Variants in ZNF33A observed in about 807,000 individuals in gnomAD.
ZNF33A encodes brain my041 protein.
ZNF33A carries 9 observed loss-of-function variants against 15.9 expected under a neutral mutation model. The observed-to-expected ratio is 0.57, with a 90% CI of 0.34 to 0.99. The LOEUF is 0.99. Among genes scored for constraint, ZNF33A ranks in the 50% least tolerant of loss-of-function variants. The probability of loss-of-function intolerance (pLI) is 0.02; values close to 1 mark genes in which losing one functional copy is unlikely to be tolerated. For synonymous variants in ZNF33A, 294 were observed against 324.2 expected (o/e 0.91, Z 1.00); for missense variants, 843 against 941.6 (o/e 0.90, Z 1.37).
chr10:38,031,880 T>C (rs1400417699), intron 4 of ZNF33A, among the ~76,000 whole-genome samples: 1 of 152,220 alleles, frequency 6.6e-6, no homozygotes, highest in East Asian at 1.9e-4. Flanking sequence ...GGAGAATTGC[T>C]TGAACCCGGG....
At chr10:38,035,809 C>T (rs2065426788) in intron 4 of ZNF33A, among the ~76,000 whole-genome samples, 1 of 151,546 alleles carries the variant, frequency 6.6e-6, no homozygotes, top group South Asian at 2.1e-4. Flanking sequence ...GAAATTGAAT[C>T]CATAAAGCTT....
At chr10:38,041,048 GT>G (rs1419107955) in intron 4 of ZNF33A, among the ~76,000 whole-genome samples, 4 of 151,996 alleles carry the variant, frequency 2.6e-5, no homozygotes, top group African/African-American at 9.7e-5. Context: ...TGCCATTTTT[GT>G]TTTCGGTCTC....
intron 4 of ZNF33A, among the ~76,000 whole-genome samples, chr10:38,033,220 C>T (rs562906135): frequency 1.3e-5 from 2 of 152,310 alleles, no homozygotes; most frequent in East Asian, 3.9e-4. Context: ...GTGACCTTTT[C>T]TGCCTGGCTT....
rs2066605108 is a variant in ZNF33A at position 38,059,227 on chromosome 10, A to T, written c.*2667A>T. On this transcript the variant is annotated 3_prime_UTR_variant, in exon 5 of 5. Coordinates refer to ENST00000432900, the MANE Select transcript of ZNF33A (RefSeq NM_006954.2). ...GAACTTACTCAAGTTGGTAAAGAAC[A>T]TACTACAAAAAACCCTACAGCTAAC... 6.6e-6 allele frequency: 1 copy of T among 152,234 alleles called. No individual in the cohort carries two copies. Among genetic ancestry groups the T allele is most frequent in the South Asian group, 2.1e-4 (1 of 4,830 alleles). 9.4% of individuals were successfully genotyped at this position (152,234 alleles called of 1,614,324 possible).
At chr10:38,036,745 A>G (rs2065470730) in intron 4 of ZNF33A, among the ~76,000 whole-genome samples, 1 of 152,242 alleles carries the variant, frequency 6.6e-6, no homozygotes, top group Non-Finnish European at 1.5e-5. Context: ...AGGTAATGCC[A>G]TAAGACAACA....
intron 4 of ZNF33A, among the ~76,000 whole-genome samples, chr10:38,050,883 G>A (rs2066170508): frequency 2.6e-5 from 4 of 152,160 alleles, no homozygotes; most frequent in Non-Finnish European, 4.4e-5. Context: ...TTGTGTTAAG[G>A]CACACTAGGC....
In ZNF33A at chr10:38,024,969, A is replaced by G. The variant is rs12781875; in HGVS notation, c.250+7583A>G. Reference sequence around the variant, plus strand: ...GTTCAGGTAACCCTTATTTTACTTAATAATGGCCCTGAAGTGCCAGAGTAG... The same window carrying G: ...GTTCAGGTAACCCTTATTTTACTTAGTAATGGCCCTGAAGTGCCAGAGTAG... On this transcript the variant is annotated intron_variant, in intron 4 of 4. Transcript: ENST00000432900. Among the ~76,000 whole-genome samples, 269 of 152,358 alleles carry G rather than the reference A, an allele frequency of 1.8e-3. 1 individual carries two copies. The highest frequency in any genetic ancestry group is 2.9e-3 in the Non-Finnish European group (194 of 68,036).
rs573069918 is a variant in ZNF33A at position 38,057,161 on chromosome 10, T to C, written c.*601T>C. The C allele has an allele frequency of 2.1e-5, 20 of 957,636 alleles. No homozygotes were observed. The East Asian group carries it at 1.7e-3, about 82-fold the overall frequency. The allele number at this position is 957,636 out of a possible 1,614,324, so 59.3% of individuals were successfully genotyped here. ...GTGTGTGTGTGGTTATATCAAACTT[T>C]TACGACTTTTACATTTGAGTAACCA... On this transcript the variant is annotated 3_prime_UTR_variant, in exon 5 of 5. Coordinates refer to ENST00000432900, the MANE Select transcript of ZNF33A (RefSeq NM_006954.2).
At position 38,017,406 on chromosome 10, in the gene ZNF33A, A is replaced by G. The variant is rs750819686; in HGVS notation, c.250+20A>G. 1.3e-6 allele frequency: 2 copies of G among 1,569,870 alleles called. No individual in the cohort carries two copies. The highest frequency in any genetic ancestry group is 1.7e-6 in the Non-Finnish European group (2 of 1,144,582). ...TTCCAGGTGAGTTAATATGTACTGCACAGATTCACATCAGGGGATTTGTTG... is the reference window on the plus strand; with the variant it reads ...TTCCAGGTGAGTTAATATGTACTGCGCAGATTCACATCAGGGGATTTGTTG... On this transcript the variant is annotated intron_variant, in intron 4 of 4. Transcript: ENST00000432900.
intron 4 of ZNF33A, among the ~76,000 whole-genome samples, chr10:38,027,062 C>A (rs1451547561): frequency 6.6e-6 from 1 of 152,198 alleles, no homozygotes. Context: ...CTCTCACTTG[C>A]ATTCCATTTG....
chr10:38,030,180 A>G (rs2065152303), intron 4 of ZNF33A, among the ~76,000 whole-genome samples: 1 of 152,244 alleles, frequency 6.6e-6, no homozygotes, highest in Non-Finnish European at 1.5e-5. Flanking sequence ...CAGTCATTCT[A>G]GAAAATAGTT....
At chr10:38,043,330 C>T (rs1479039578) in intron 4 of ZNF33A, among the ~76,000 whole-genome samples, 4 of 132,528 alleles carry the variant, frequency 3.0e-5, no homozygotes, top group African/African-American at 5.9e-5. Flanking sequence ...GGAAACATCA[C>T]ACACCAGGGA....
chr10:38,065,033 C>G (rs2135797086), downstream of ZNF33A: 1 of 152,090 alleles, frequency 6.6e-6, no homozygotes, highest in South Asian at 2.1e-4. Context: ...GTGGCTGCCT[C>G]CTCCTTACTG....
chr10:38,055,655 T>G lies in ZNF33A; in HGVS notation c.1531T>G (p.Leu511Val). ...ACGKTFYHKS[L>V]LTRHQIIHTG... ...TGGGAAAACTTTCTACCACAAGTCA[T>G]TACTCACCAGGCATCAGATAATTCA... Residue 511 changes from leucine to valine, a missense_variant, in exon 5 of 5, where the codon TTA becomes GTA. Leu to Val is a conservative substitution (Grantham distance 32, BLOSUM62 1). Transcript: ENST00000432900. 1 of 1,613,866 alleles carries G rather than the reference T, an allele frequency of 6.2e-7. No homozygotes were observed.
At chr10:38,036,563 C>T (rs148050474) in intron 4 of ZNF33A, among the ~76,000 whole-genome samples, 61 of 152,060 alleles carry the variant, frequency 4.0e-4, no homozygotes, top group African/African-American at 1.2e-3. Flanking sequence ...ATGATAAAAC[C>T]GAGCAAACTA....
At chr10:38,010,637 T>G (rs1271717717), upstream of ZNF33A, 2 of 1,424,840 alleles carry the variant, frequency 1.4e-6, no homozygotes, top group Non-Finnish European at 2.0e-6. Flanking sequence ...GCTGTGCGCG[T>G]GGGCTCTGCG....
In ZNF33A at chr10:38,038,870, G is replaced by A. The variant is rs2065569134; in HGVS notation, c.251-15505G>A. ...TGGTTATTGTTTCTTTTCTCCTTAC[G>A]TGGTGTATTAATTGATTTTCAAATG... On this transcript the variant is annotated intron_variant, in intron 4 of 4. Coordinates refer to ENST00000432900, the MANE Select transcript of ZNF33A (RefSeq NM_006954.2). Among the ~76,000 whole-genome samples the A allele has an allele frequency of 2.6e-5, 4 of 152,030 alleles. No homozygotes were observed. The South Asian group carries it at 8.3e-4, about 32-fold the overall frequency.
At chr10:38,012,746 T>C (rs1461251891) in intron 2 of ZNF33A, among the ~76,000 whole-genome samples, 2 of 152,058 alleles carry the variant, frequency 1.3e-5, no homozygotes, top group African/African-American at 4.8e-5. Context: ...GTCAATATGT[T>C]AAGATGAGAA....
intron 4 of ZNF33A, among the ~76,000 whole-genome samples, chr10:38,021,870 A>C (rs1445723472): frequency 2.0e-5 from 3 of 152,228 alleles, no homozygotes; most frequent in African/African-American, 7.2e-5. Flanking sequence ...TAGAAATTAA[A>C]CATCAGACTT....
Sources: allele counts gnomAD v4.1 joint callset (sites outside exome capture counted in the v4.1 genomes callset), GRCh38; gene constraint gnomAD v4.1.1; transcripts MANE v1.5; gene names NCBI Gene and HGNC (gene_info 2026-07-23, HGNC 2026-07-21).